CRTC1: variants seen among roughly 807,000 people sequenced by gnomAD.
CRTC1 encodes the protein CREB regulated transcription coactivator 1.
A neutral mutation model predicts 66.1 loss-of-function variants in CRTC1; 18 were observed. The observed-to-expected ratio is 0.27, with a 90% CI of 0.19 to 0.40. The LOEUF is 0.40. Ranked by LOEUF, CRTC1 falls within the 10% of genes least tolerant of loss-of-function variation. The pLI, the probability that CRTC1 is intolerant of heterozygous loss-of-function variation, is 1.00. For synonymous variants in CRTC1, 416 were observed against 398.8 expected (o/e 1.04, Z -0.51); for missense variants, 669 against 887.9 (o/e 0.75, Z 3.13).
chr19:18,768,810 G>T lies in CRTC1; in HGVS notation c.1320+17G>T, dbSNP rs766339589. On this transcript the variant is annotated intron_variant, in intron 10 of 13. Transcript: ENST00000321949. The surrounding 1 kb of genome is among the most constrained non-coding windows in gnomAD (Gnocchi z 5.6). The stretch of plus-strand genomic sequence containing the variant: ...ATCGCCTCGGTAAGCCCAGGGTGGG[G>T]TCCCTCGGGGCCTGACTGGGGGTCT... 1.9e-6 allele frequency: 3 copies of T among 1,583,754 alleles called. No homozygotes were observed. The highest frequency in any genetic ancestry group is 2.6e-6 in the Non-Finnish European group (3 of 1,165,988).
At chr19:18,738,016 G>C (rs1039370803) in intron 1 of CRTC1, among the ~76,000 whole-genome samples, 2 of 152,170 alleles carry the variant, frequency 1.3e-5, no homozygotes, top group African/African-American at 4.8e-5. Context: ...TTAAGTGTTG[G>C]AGGAGTCAGA....
In CRTC1 at chr19:18,760,272, G is replaced by A. The variant is rs773665131; in HGVS notation, c.886+44G>A. The A allele has an allele frequency of 6.9e-7, 1 of 1,452,298 alleles. No individual in the cohort carries two copies. Among genetic ancestry groups the A allele is most frequent in the South Asian group, 1.2e-5 (1 of 83,354 alleles). 90.0% of individuals were successfully genotyped at this position (1,452,298 alleles called of 1,614,324 possible). ...GCCCTCGGACAGAGCACTGGCTTGT[G>A]GAGACAACACGGGCATCTGCAGGAT... On this transcript the variant is annotated intron_variant, in intron 8 of 13. Coordinates refer to ENST00000321949, the MANE Select transcript of CRTC1 (RefSeq NM_015321.3). The surrounding 1 kb of genome is among the most constrained non-coding windows in gnomAD (Gnocchi z 6.2).
intron 1 of CRTC1, among the ~76,000 whole-genome samples, chr19:18,737,039 A>G (rs935645430): frequency 2.0e-5 from 3 of 152,034 alleles, no homozygotes; most frequent in Non-Finnish European, 4.4e-5. Context: ...TACTGGGGCC[A>G]CCCGGCCTCC....
intron 1 of CRTC1, among the ~76,000 whole-genome samples, chr19:18,734,846 A>G (rs902217568): frequency 6.6e-6 from 1 of 152,164 alleles, no homozygotes; most frequent in Non-Finnish European, 1.5e-5. Flanking sequence ...TGATCCCCTC[A>G]GTCACTAGCC....
intron 1 of CRTC1, among the ~76,000 whole-genome samples, chr19:18,734,087 A>C (rs1416608750): frequency 6.6e-6 from 1 of 151,830 alleles, no homozygotes; most frequent in African/African-American, 2.4e-5. Context: ...GGGTGACAAG[A>C]GTGAGACTCC....
intron 1 of CRTC1, among the ~76,000 whole-genome samples, chr19:18,737,763 C>CCTT (rs1555782735): frequency 1.3e-5 from 2 of 152,062 alleles, no homozygotes; most frequent in African/African-American, 4.8e-5. Flanking sequence ...TCCTCCTCCT[C>CCTT]CTCCCTTTTC....
chr19:18,728,558 G>T (rs539517382), intron 1 of CRTC1, among the ~76,000 whole-genome samples: 1 of 151,082 alleles, frequency 6.6e-6, no homozygotes, highest in Non-Finnish European at 1.5e-5. Flanking sequence ...CCCAGGCTGG[G>T]GTGCAATAGT....
intron 5 of CRTC1, among the ~76,000 whole-genome samples, chr19:18,750,561 G>T (rs1329614115): frequency 6.6e-6 from 1 of 152,256 alleles, no homozygotes; most frequent in African/African-American, 2.4e-5. Context: ...AGGGAGCTTG[G>T]AGGCTTGAGG....
chr19:18,757,174 A>T (rs533106099), intron 6 of CRTC1, among the ~76,000 whole-genome samples: 73 of 152,172 alleles, frequency 4.8e-4, no homozygotes, highest in African/African-American at 1.5e-3. Context: ...AGGGGCGGAA[A>T]CGTGTCACAC....
At chr19:18,703,174 A>G (rs2053186474) in intron 1 of CRTC1, among the ~76,000 whole-genome samples, 1 of 151,922 alleles carries the variant, frequency 6.6e-6, no homozygotes, top group African/African-American at 2.4e-5. Flanking sequence ...TTTTTAGTAG[A>G]GATGGGGTTT....
At chr19:18,757,139 C>G (rs1247780603) in intron 6 of CRTC1, among the ~76,000 whole-genome samples, 1 of 152,196 alleles carries the variant, frequency 6.6e-6, no homozygotes, top group Non-Finnish European at 1.5e-5. Flanking sequence ...AAGAACTCAG[C>G]CAGAAGTGTT....
chr19:18,694,065 G>A (rs142995847), intron 1 of CRTC1, among the ~76,000 whole-genome samples: 1,756 of 151,442 alleles, frequency 0.012, 15 homozygotes, highest in South Asian at 0.041. Flanking sequence ...CTGAAAGGTG[G>A]AGGTTGCAGT....
intron 1 of CRTC1, among the ~76,000 whole-genome samples, chr19:18,729,009 C>T (rs1380047409): frequency 2.0e-5 from 3 of 150,474 alleles, no homozygotes; most frequent in African/African-American, 4.9e-5. Flanking sequence ...GACAGGGTTC[C>T]ACCATGTTGG....
chr19:18,734,786 A>G (rs2053962713), intron 1 of CRTC1, among the ~76,000 whole-genome samples: 3 of 152,168 alleles, frequency 2.0e-5, no homozygotes, highest in South Asian at 4.1e-4. Context: ...GGCAGTGGCA[A>G]CACCCTGGGG....
intron 1 of CRTC1, among the ~76,000 whole-genome samples, chr19:18,733,316 GA>G (rs1259943393): frequency 6.6e-6 from 1 of 152,170 alleles, no homozygotes; most frequent in Non-Finnish European, 1.5e-5. Context: ...AGGCCCCTGT[GA>G]GCCAGCTGTG....
At chr19:18,749,463 C>T (rs914035722) in intron 4 of CRTC1, among the ~76,000 whole-genome samples, 4 of 152,342 alleles carry the variant, frequency 2.6e-5, no homozygotes, top group South Asian at 2.1e-4. Flanking sequence ...AGAAGCCTTG[C>T]TCTGTTGCCC....
intron 1 of CRTC1, among the ~76,000 whole-genome samples, chr19:18,684,710 C>A (rs1006941858): frequency 5.8e-4 from 88 of 152,172 alleles, no homozygotes; most frequent in Non-Finnish European, 9.9e-4. Context: ...CCAGGTCTGC[C>A]TCAGGTGGCT....
At chr19:18,743,797 C>A (rs959867874) in intron 2 of CRTC1, among the ~76,000 whole-genome samples, 3 of 152,252 alleles carry the variant, frequency 2.0e-5, no homozygotes, top group African/African-American at 7.2e-5. Context: ...CACCACGGTG[C>A]GCCTCCTCCG....
intron 10 of CRTC1, among the ~76,000 whole-genome samples, chr19:18,769,742 CA>C (rs997871830): frequency 5.8e-4 from 88 of 152,272 alleles, no homozygotes; most frequent in African/African-American, 1.7e-3. Flanking sequence ...GGGCCAGGTG[CA>C]GGGACGGCCC....
Sources: gnomAD v4.1 joint callset for allele counts (sites outside exome capture counted in the v4.1 genomes callset) on GRCh38, gnomAD v4.1.1 for gene constraint, Gnocchi (gnomAD v3.1) non-coding constraint, MANE v1.5 for transcripts, NCBI Gene and HGNC (gene_info 2026-07-23, HGNC 2026-07-21) for gene names.